The following KMO variants were observed in gnomAD, a reference collection of about 807,000 sequenced individuals.
The protein encoded by KMO is kynurenine 3-hydroxylase.
In KMO, 24 loss-of-function variants were observed where a neutral mutation model predicts 57.8. The observed-to-expected ratio is 0.42, with a 90% CI of 0.30 to 0.58. KMO has a LOEUF of 0.58. Ranked by LOEUF, KMO falls within the 20% of genes least tolerant of loss-of-function variation. KMO has a pLI of 0.22. For missense variants in KMO, 483 were observed against 588.2 expected, an observed-to-expected ratio of 0.82 and a Z score of 1.85; for synonymous variants, 210 against 193.6, an observed-to-expected ratio of 1.08 and a Z score of -0.70.
chr1:241,592,017 T>TAC lies in KMO; in HGVS notation c.1328_1329dup (p.Tyr444ThrfsTer11). 1 of 1,614,058 alleles carries TAC rather than the reference T, an allele frequency of 6.2e-7. No homozygotes were observed. The highest frequency in any genetic ancestry group is 8.5e-7 in the Non-Finnish European group (1 of 1,179,932). On this transcript the variant is annotated frameshift_variant, in exon 15 of 15. Transcript: ENST00000366559. LOFTEE classifies it low-confidence loss of function (END_TRUNC). ...GCCATCAGCAGTACCTACCTACTTA[T>TAC]ACACTACATGTCACCACGATCTTTC...
chr1:241,539,774 G>A (rs1027689921), intron 1 of KMO, among the ~76,000 whole-genome samples: 1 of 152,090 alleles, frequency 6.6e-6, no homozygotes, highest in African/African-American at 2.4e-5. Flanking sequence ...TAAGGCCCAG[G>A]AGCCAACGGG....
chr1:241,546,004 T>A (rs6661244), intron 1 of KMO, among the ~76,000 whole-genome samples: 1 of 152,088 alleles, frequency 6.6e-6, no homozygotes, highest in South Asian at 2.1e-4. Flanking sequence ...AATCTGAGGC[T>A]TATGGTGATG....
At chr1:241,564,837 A>G (rs966898410) in intron 7 of KMO, 150 bp from the exon 8 acceptor site, 1 of 564,382 alleles carries the variant, frequency 1.8e-6, no homozygotes, top group Non-Finnish European at 3.1e-6. Flanking sequence ...GTTTTCTAAG[A>G]CAACTTCTAT....
At chr1:241,585,820 T>G (rs943288055) in intron 10 of KMO, among the ~76,000 whole-genome samples, 2 of 150,842 alleles carry the variant, frequency 1.3e-5, no homozygotes, top group Admixed American at 1.3e-4. Flanking sequence ...CCTCTAAAGC[T>G]GTAGCTTGAA....
intron 1 of KMO, among the ~76,000 whole-genome samples, chr1:241,540,766 T>G (rs1660929736): frequency 6.6e-6 from 1 of 152,092 alleles, no homozygotes; most frequent in Non-Finnish European, 1.5e-5. Context: ...AACATCTTAT[T>G]TAGAAGATAA....
At chr1:241,575,214 A>G (rs981714514) in intron 10 of KMO, among the ~76,000 whole-genome samples, 3 of 152,058 alleles carry the variant, frequency 2.0e-5, no homozygotes, top group African/African-American at 7.2e-5. Flanking sequence ...TTTTCAAAGA[A>G]TCAACTTTTT....
At chr1:241,577,754 C>T (rs1450217398) in intron 10 of KMO, among the ~76,000 whole-genome samples, 1 of 152,148 alleles carries the variant, frequency 6.6e-6, no homozygotes, top group Non-Finnish European at 1.5e-5. Flanking sequence ...TATCCCTGGG[C>T]AGAAACTATT....
chr1:241,593,567 G>T lies in KMO; in HGVS notation c.*1414G>T, dbSNP rs1663396414. ...TAATTTTTCCTTCTACCCACTTTAG[G>T]TTCCTTGGCTGGGGCCCCTATAACA... is the stretch of plus-strand genomic sequence containing the variant. On this transcript the variant is annotated 3_prime_UTR_variant, in exon 15 of 15. Coordinates refer to ENST00000366559, the MANE Select transcript of KMO (RefSeq NM_003679.5). The T allele has an allele frequency of 1.3e-5, 3 of 236,924 alleles. No homozygotes were observed. Among genetic ancestry groups the T allele is most frequent in the South Asian group, 1.0e-4 (2 of 19,224 alleles). The allele number at this position is 236,924 out of a possible 1,614,324, so 14.7% of individuals were successfully genotyped here. A position where few individuals can be genotyped will look rare whatever the true frequency, so the allele number is the denominator to read the frequency against.
chr1:241,572,983 T>C (rs1456882918), intron 10 of KMO, among the ~76,000 whole-genome samples: 2 of 152,162 alleles, frequency 1.3e-5, no homozygotes, highest in Non-Finnish European at 2.9e-5. Flanking sequence ...TTTTTTACGG[T>C]TGAGTAGTAT....
chr1:241,574,800 T>A (rs1054770467), intron 10 of KMO, among the ~76,000 whole-genome samples: 8 of 152,142 alleles, frequency 5.3e-5, no homozygotes, highest in African/African-American at 1.9e-4. Flanking sequence ...TAGGGAGAAT[T>A]CCCTCTGTCT....
At chr1:241,546,532 A>G (rs1026868189) in intron 1 of KMO, among the ~76,000 whole-genome samples, 1 of 152,222 alleles carries the variant, frequency 6.6e-6, no homozygotes, top group Admixed American at 6.5e-5. Flanking sequence ...TCCAATAACT[A>G]GAGGCAGAAA....
chr1:241,539,281 G>A (rs139936215), intron 1 of KMO, among the ~76,000 whole-genome samples: 1,573 of 151,902 alleles, frequency 0.01, 25 homozygotes, highest in African/African-American at 0.036. Context: ...TTATTCGGGA[G>A]GCTGAGGCAG....
intron 1 of KMO, among the ~76,000 whole-genome samples, chr1:241,538,214 AT>A (rs1660816236): frequency 6.6e-6 from 1 of 152,172 alleles, no homozygotes; most frequent in Admixed American, 6.5e-5. Context: ...GCCTTCTGGT[AT>A]CAGAAAGTCA....
chr1:241,565,839 G>C (rs1662055301), intron 8 of KMO, among the ~76,000 whole-genome samples: 2 of 152,028 alleles, frequency 1.3e-5, no homozygotes. Context: ...TCTGTCCTGG[G>C]GTCCAGGGCC....
rs570069818 is a variant in KMO, at chr1:241,582,831, T to G, written c.958-3848T>G. 7.9e-5 allele frequency among the ~76,000 whole-genome samples: 12 copies of G among 152,278 alleles called. No individual in the cohort carries two copies. In the East Asian group the frequency reaches 2.3e-3, roughly 29 times the overall value. On this transcript the variant is annotated intron_variant, in intron 10 of 14. Transcript: ENST00000366559. ...GGTGTTCTTGATGCTTGTGGATGTT[T>G]GTTGATATCTGGGTGTTGAAGAATT... is the stretch of plus-strand genomic sequence containing the variant.
intron 10 of KMO, among the ~76,000 whole-genome samples, chr1:241,569,885 C>T (rs1225986721): frequency 6.6e-6 from 1 of 152,034 alleles, no homozygotes; most frequent in Non-Finnish European, 1.5e-5. Flanking sequence ...ATTTGATTTG[C>T]ATTTCTCTGA....
chr1:241,539,971 A>G lies in KMO; in HGVS notation c.54+7473A>G, dbSNP rs375531976. Among the ~76,000 whole-genome samples the G allele has an allele frequency of 2.5e-4, 38 of 152,356 alleles. No homozygotes were observed. The South Asian group carries it at 6.6e-3, about 27-fold the overall frequency. ...ATATCCAAATATAAGCACACTGCCTACAATCAAATGTAATGCAAGTATTAA... is the reference window on the plus strand; with the variant it reads ...ATATCCAAATATAAGCACACTGCCTGCAATCAAATGTAATGCAAGTATTAA... On this transcript the variant is annotated intron_variant, in intron 1 of 14. Transcript: ENST00000366559.
intron 5 of KMO, among the ~76,000 whole-genome samples, chr1:241,558,687 G>A (rs1661727329): frequency 6.6e-6 from 1 of 151,412 alleles, no homozygotes. Flanking sequence ...TTCTTGGTCT[G>A]CATTGTGGAT....
At chr1:241,547,274 AG>A (rs1307407879) in intron 1 of KMO, among the ~76,000 whole-genome samples, 1 of 152,198 alleles carries the variant, frequency 6.6e-6, no homozygotes. Context: ...ATAAAATAAA[AG>A]ATTGGTGAAT....
Sources: gnomAD v4.1 joint callset for allele counts (sites outside exome capture counted in the v4.1 genomes callset) on GRCh38, gnomAD v4.1.1 for gene constraint, MANE v1.5 for transcripts, NCBI Gene and HGNC (gene_info 2026-07-23, HGNC 2026-07-21) for gene names.